RORB: variants seen among roughly 807,000 people sequenced by gnomAD.
RORB encodes the protein RAR related orphan receptor B, also known as nuclear receptor ROR-beta.
A neutral mutation model predicts 59.1 loss-of-function variants in RORB; 6 were observed. That is an observed-to-expected ratio of 0.10 (90% CI 0.06 to 0.20). The LOEUF (loss-of-function observed/expected upper bound fraction) is 0.20. Ranked by LOEUF, RORB falls within the 10% of genes least tolerant of loss-of-function variation. The pLI, the probability that RORB is intolerant of heterozygous loss-of-function variation, is 1.00. For missense variants in RORB, 320 were observed against 560.5 expected (o/e 0.57, Z 4.33); for synonymous variants, 215 against 204.5 (o/e 1.05, Z -0.44).
intron 8 of RORB, among the ~76,000 whole-genome samples, chr9:74,669,184 A>T (rs1473649422): frequency 6.6e-6 from 1 of 152,228 alleles, no homozygotes; most frequent in Non-Finnish European, 1.5e-5. Flanking sequence ...ATATTTTTTT[A>T]AAGTATATAC....
intron 1 of RORB, among the ~76,000 whole-genome samples, chr9:74,515,356 A>G (rs2118053133): frequency 6.6e-6 from 1 of 151,962 alleles, no homozygotes; most frequent in East Asian, 1.9e-4. Context: ...ACTGGAATTC[A>G]GACCCAGGCA....
At chr9:74,550,567 T>C (rs761482866) in intron 1 of RORB, among the ~76,000 whole-genome samples, 1 of 152,240 alleles carries the variant, frequency 6.6e-6, no homozygotes, top group Non-Finnish European at 1.5e-5. Flanking sequence ...TTTCTCTTAA[T>C]TGGCCAATAC....
In RORB at chr9:74,642,766, C is replaced by A. The variant is rs567618724; in HGVS notation, c.588C>A (p.Ser196Arg). Reference sequence around the variant, plus strand: ...CCGTACCCAACTTGTTTACCTATAGCTCTTTCAACAATGGGCAGTTAGCAC... The same window carrying A: ...CCGTACCCAACTTGTTTACCTATAGATCTTTCAACAATGGGCAGTTAGCAC... ...LTSVPNLFTYSSFNNGQLAPG... is the reference protein window; with the variant it reads ...LTSVPNLFTYRSFNNGQLAPG... Residue 196 changes from serine to arginine, a missense_variant, in exon 4 of 10, where the codon AGC becomes AGA. This residue lies in a region of RORB where 134 missense variants were observed against 156.2 expected (regional missense o/e 0.86). Transcript: ENST00000376896. 7 of 1,612,132 alleles carry A rather than the reference C, an allele frequency of 4.3e-6. No individual in the cohort carries two copies. In the East Asian group the frequency reaches 1.1e-4, roughly 26 times the overall value.
intron 1 of RORB, among the ~76,000 whole-genome samples, chr9:74,549,267 G>A (rs1239454271): frequency 6.6e-6 from 1 of 151,908 alleles, no homozygotes; most frequent in East Asian, 1.9e-4. Flanking sequence ...CTAACACGGT[G>A]AAACCGTCTC....
chr9:74,687,006 G>T lies in RORB; in HGVS notation c.*1388G>T, dbSNP rs764443716. The T allele has an allele frequency of 1.4e-4, 21 of 151,958 alleles. No individual in the cohort carries two copies. Among genetic ancestry groups the T allele is most frequent in the Admixed American group, 5.9e-4 (9 of 15,240 alleles). The allele number at this position is 151,958 out of a possible 1,614,324, so 9.4% of individuals were successfully genotyped here. ...TTTTTTAGCAACTTTTAGAAATAAA[G>T]AATACAACTGTGACATTAGGATCAG... On this transcript the variant is annotated 3_prime_UTR_variant, in exon 10 of 10. Transcript: ENST00000376896.
At chr9:74,622,518 G>GTTTT (rs1823438990) in intron 1 of RORB, among the ~76,000 whole-genome samples, 4 of 65,988 alleles carry the variant, frequency 6.1e-5, no homozygotes, top group African/African-American at 1.0e-4. Context: ...TTACAACCCA[G>GTTTT]ATTTTTTTTT....
chr9:74,602,013 C>A (rs545600928), intron 1 of RORB, among the ~76,000 whole-genome samples: 1 of 152,190 alleles, frequency 6.6e-6, no homozygotes, highest in Non-Finnish European at 1.5e-5. Context: ...GCCAGTCCCA[C>A]ACCGACACTT....
chr9:74,525,554 T>C (rs984326041), intron 1 of RORB, among the ~76,000 whole-genome samples: 14 of 152,030 alleles, frequency 9.2e-5, no homozygotes, highest in South Asian at 8.3e-4. Context: ...ATCAGTCAGA[T>C]TTTCTTCCTG....
intron 1 of RORB, among the ~76,000 whole-genome samples, chr9:74,600,056 AGACTTATAAG>A (rs557770845): frequency 1.3e-5 from 2 of 152,278 alleles, no homozygotes; most frequent in African/African-American, 4.8e-5. Context: ...ACACTTTACC[AGACTTATAAG>A]GACTAGTTTC....
At chr9:74,550,282 A>G (rs1035032116) in intron 1 of RORB, among the ~76,000 whole-genome samples, 6 of 152,242 alleles carry the variant, frequency 3.9e-5, no homozygotes, top group African/African-American at 1.4e-4. Flanking sequence ...ATACCAATCT[A>G]GATGACATTA....
At chr9:74,558,053 T>C (rs1822335163) in intron 1 of RORB, among the ~76,000 whole-genome samples, 1 of 152,212 alleles carries the variant, frequency 6.6e-6, no homozygotes, top group African/African-American at 2.4e-5. Context: ...AAACAATTAT[T>C]AGCAGATATT....
In RORB at chr9:74,678,284, G is replaced by A. The variant is rs547903598; in HGVS notation, c.1224+6383G>A. On this transcript the variant is annotated intron_variant, in intron 9 of 9. Coordinates refer to ENST00000376896, the MANE Select transcript of RORB (RefSeq NM_006914.4). ...GGCAGCTACTCCTAAATGTTTGAGA[G>A]GCCCAGAAAATGTCTCTTTCCAGCT... is the stretch of plus-strand genomic sequence containing the variant. Among the ~76,000 whole-genome samples, 3 of 152,268 alleles carry A rather than the reference G, an allele frequency of 2.0e-5. No homozygotes were observed. In the East Asian group the frequency reaches 5.8e-4, roughly 29 times the overall value.
intron 1 of RORB, among the ~76,000 whole-genome samples, chr9:74,524,681 T>C (rs1399081353): frequency 2.6e-5 from 4 of 151,936 alleles, no homozygotes; most frequent in African/African-American, 9.7e-5. Flanking sequence ...CCTTGTCGGG[T>C]AATCAAAGCT....
chr9:74,518,700 G>T (rs1356011110), intron 1 of RORB, among the ~76,000 whole-genome samples: 1 of 151,906 alleles, frequency 6.6e-6, no homozygotes, highest in African/African-American at 2.4e-5. Context: ...ACAAGGATTG[G>T]TTTTCGGTTA....
At chr9:74,516,810 T>A (rs758809399) in intron 1 of RORB, among the ~76,000 whole-genome samples, 3 of 152,078 alleles carry the variant, frequency 2.0e-5, no homozygotes, top group Non-Finnish European at 4.4e-5. Context: ...TTTTTCCTTA[T>A]ATTTATTTAT....
chr9:74,611,261 G>A (rs542957722), intron 1 of RORB, among the ~76,000 whole-genome samples: 3 of 152,238 alleles, frequency 2.0e-5, no homozygotes, highest in Admixed American at 2.0e-4. Flanking sequence ...CAACAGGACA[G>A]AAACAGACCT....
intron 1 of RORB, among the ~76,000 whole-genome samples, chr9:74,622,489 A>G (rs1823438225): frequency 6.9e-6 from 1 of 145,264 alleles, no homozygotes; most frequent in South Asian, 2.2e-4. Context: ...TATCGTGTAT[A>G]TGAATCACAG....
intron 1 of RORB, among the ~76,000 whole-genome samples, chr9:74,599,732 G>A (rs1159119395): frequency 7.9e-5 from 12 of 152,200 alleles, no homozygotes; most frequent in Admixed American, 7.9e-4. Flanking sequence ...TCATAAGGCT[G>A]AGTCGTGGCA....
intron 1 of RORB, among the ~76,000 whole-genome samples, chr9:74,547,534 G>C (rs1451116832): frequency 3.3e-5 from 5 of 152,184 alleles, no homozygotes; most frequent in Non-Finnish European, 5.9e-5. Context: ...TTTAAATAGA[G>C]TTGTCAGGGA....
Sources: allele counts gnomAD v4.1 joint callset (sites outside exome capture counted in the v4.1 genomes callset), GRCh38; gene constraint gnomAD v4.1.1; regional missense constraint gnomAD v4.1.1; transcripts MANE v1.5; gene names NCBI Gene and HGNC (gene_info 2026-07-23, HGNC 2026-07-21).